The following SI variants were observed in gnomAD, a reference collection of about 807,000 sequenced individuals.
SI encodes the protein sucrase-isomaltase, also known as sucrase-isomaltase, intestinal.
In SI, 235 loss-of-function variants were observed where a neutral mutation model predicts 253.3. The observed-to-expected ratio is 0.93, with a 90% confidence interval of 0.83 to 1.03. SI has a LOEUF of 1.03. Among genes scored for constraint, SI ranks in the 50% least tolerant of loss-of-function variants. SI has a pLI of 0.00. For synonymous variants in SI, 819 were observed against 712.0 expected, an observed-to-expected ratio of 1.15 and a Z score of -2.39; for missense variants, 2,442 against 2,211.1, an observed-to-expected ratio of 1.10 and a Z score of -2.09.
rs537165390 is a variant in SI, at chr3:165,014,728, A to G, written c.3999+395T>C. On this transcript the variant is annotated intron_variant, in intron 33 of 47. Transcript: ENST00000264382. ...ACAGTGAATTATACTTCATGATCTA[A>G]GTTTTAAATATAAGTATAGCTGTCA... Among the ~76,000 whole-genome samples, 4 of 152,264 alleles carry G rather than the reference A, an allele frequency of 2.6e-5. No homozygotes were observed. The East Asian group carries it at 7.7e-4, about 29-fold the overall frequency.
intron 44 of SI, among the ~76,000 whole-genome samples, chr3:164,990,976 A>G (rs1279960413): frequency 2.0e-5 from 3 of 150,854 alleles, no homozygotes; most frequent in Non-Finnish European, 4.4e-5. Context: ...TGTCCAATAT[A>G]AAAAAGATAA....
At chr3:165,031,879 A>T (rs550401728) in intron 24 of SI, among the ~76,000 whole-genome samples, 1 of 151,228 alleles carries the variant, frequency 6.6e-6, no homozygotes, top group African/African-American at 2.4e-5. Flanking sequence ...AAATAATGAG[A>T]GATTGATTTA....
In SI at chr3:164,999,113, A is replaced by C. The variant is rs145464858; in HGVS notation, c.4407-440T>G. Reference sequence around the variant, plus strand: ...TACTGTGCAGACAATGCCTACTATCATACTCTTTGCTTTAAAGGTTTAATT... The same window carrying C: ...TACTGTGCAGACAATGCCTACTATCCTACTCTTTGCTTTAAAGGTTTAATT... On this transcript the variant is annotated intron_variant, in intron 37 of 47. Transcript: ENST00000264382. 1.2e-4 allele frequency among the ~76,000 whole-genome samples: 18 copies of C among 151,940 alleles called. No homozygotes were observed. The East Asian group carries it at 3.3e-3, about 28-fold the overall frequency.
chr3:165,083,151 A>G (rs1291836641), upstream of SI, among the ~76,000 whole-genome samples: 1 of 151,846 alleles, frequency 6.6e-6, no homozygotes, highest in African/African-American at 2.4e-5. Flanking sequence ...ATTAACAGCT[A>G]ATTTTTCATT....
chr3:164,992,422 TA>T, intron 41 of SI, 25 bp from the exon 42 acceptor site: 2 of 1,459,438 alleles, frequency 1.4e-6, no homozygotes, highest in South Asian at 1.2e-5. Context: ...CACAAATAAT[TA>T]AATTAAAACA....
chr3:165,065,450 TAAAG>T lies in SI; in HGVS notation c.636-22_636-19del, dbSNP rs558953371. On this transcript the variant is annotated intron_variant, in intron 6 of 47. Transcript: ENST00000264382. Reference sequence around the variant, plus strand: ...TGTCAAACCTGCACCATAAAAGAAATAAAGAAATAATCTAATATATATATATATA... The same window carrying T: ...TGTCAAACCTGCACCATAAAAGAAATAAATAATCTAATATATATATATATA... 1,046 of 954,514 alleles carry T rather than the reference TAAAG, an allele frequency of 1.1e-3. 12 individuals are homozygous for T. In the African/African-American group the frequency reaches 0.015, roughly 14 times the overall value. 59.1% of individuals were successfully genotyped at this position (954,514 alleles called of 1,614,324 possible).
At chr3:165,038,069 T>C (rs751216764) in intron 20 of SI, 45 bp from the exon 21 acceptor site, 127 of 1,521,458 alleles carry the variant, frequency 8.3e-5, no homozygotes, top group Non-Finnish European at 9.0e-5. Flanking sequence ...TATTGAAGAC[T>C]TTAAACTCTA....
At position 165,063,334 on chromosome 3, in the gene SI, T is replaced by G. The variant is rs1251098969; in HGVS notation, c.907+108A>C. 1.0e-5 allele frequency: 6 copies of G among 585,934 alleles called. No homozygotes were observed. In the South Asian group the frequency reaches 1.3e-4, roughly 13 times the overall value. 36.3% of individuals were successfully genotyped at this position (585,934 alleles called of 1,614,324 possible). A position where few individuals can be genotyped will look rare whatever the true frequency, so the allele number is the denominator to read the frequency against. ...AATAATGTCACATGTTAATATTAAC[T>G]ATAATAGAGTTTACTCTCACATACA... is the stretch of plus-strand genomic sequence containing the variant. On this transcript the variant is annotated intron_variant, in intron 8 of 47. Coordinates refer to ENST00000264382, the MANE Select transcript of SI (RefSeq NM_001041.4).
At chr3:165,059,429 A>G (rs1244220703) in intron 10 of SI, 130 bp from the exon 11 acceptor site, 1 of 907,388 alleles carries the variant, frequency 1.1e-6, no homozygotes, top group African/African-American at 1.7e-5. Context: ...CATCCTTTTC[A>G]TTTCACTAAA....
At chr3:165,074,972 T>C (rs1005302130) in intron 2 of SI, among the ~76,000 whole-genome samples, 1 of 151,932 alleles carries the variant, frequency 6.6e-6, no homozygotes, top group East Asian at 1.9e-4. Context: ...TCATACTGTA[T>C]TTACAACTTG....
Position 165,019,454 on chromosome 3 carries a change from C to T in SI, c.3423+148G>A, listed in dbSNP as rs187220823. 5.1e-4 allele frequency: 386 copies of T among 755,370 alleles called. 1 individual carries two copies. In the African/African-American group the frequency reaches 6.3e-3, roughly 12 times the overall value. The allele number at this position is 755,370 out of a possible 1,614,324, so 46.8% of individuals were successfully genotyped here. On this transcript the variant is annotated intron_variant, in intron 28 of 47. Coordinates refer to ENST00000264382, the MANE Select transcript of SI (RefSeq NM_001041.4). ...TTATGGTGACTTTTTGGGTTTGTTT[C>T]TCAGAAAATTGCTATAGCTGCTCTG...
upstream of SI, among the ~76,000 whole-genome samples, chr3:165,081,824 G>T (rs997520302): frequency 4.6e-5 from 7 of 151,852 alleles, no homozygotes; most frequent in Admixed American, 3.3e-4. Context: ...GGAAGCCAAG[G>T]TTCCTGCCTG....
chr3:164,989,672 T>C (rs1320893249), intron 44 of SI, among the ~76,000 whole-genome samples: 1 of 151,922 alleles, frequency 6.6e-6, no homozygotes, highest in East Asian at 1.9e-4. Flanking sequence ...AGCAAATTAA[T>C]GGAAAGGAAA....
intron 12 of SI, among the ~76,000 whole-genome samples, chr3:165,058,666 T>C (rs1043501811): frequency 3.9e-5 from 6 of 151,916 alleles, no homozygotes; most frequent in African/African-American, 1.4e-4. Flanking sequence ...TAAATTGGAA[T>C]ACCTAGAAGA....
At chr3:165,074,697 A>C in intron 2 of SI, 30 bp from the exon 3 acceptor site, 1 of 1,560,832 alleles carries the variant, frequency 6.4e-7, no homozygotes, top group Non-Finnish European at 8.8e-7. Flanking sequence ...AATAAAATAA[A>C]ACATGACATT....
chr3:165,068,853 G>T, intron 4 of SI, 22 bp from the exon 5 acceptor site: 1 of 1,441,870 alleles, frequency 6.9e-7, no homozygotes, highest in Non-Finnish European at 9.8e-7. Context: ...AAAAAAAGCT[G>T]CCATGAGTGA....
intron 21 of SI, 52 bp downstream of exon 21, chr3:165,037,848 T>G: frequency 8.0e-7 from 1 of 1,248,000 alleles, no homozygotes; most frequent in South Asian, 1.3e-5. Flanking sequence ...AAATATGAAA[T>G]ATTAAGATTT....
intron 44 of SI, among the ~76,000 whole-genome samples, chr3:164,989,892 T>C (rs951173730): frequency 6.6e-6 from 1 of 152,150 alleles, no homozygotes; most frequent in African/African-American, 2.4e-5. Flanking sequence ...ATTACAGAGA[T>C]AGTAAAATAT....
At chr3:165,060,098 T>C in intron 9 of SI, 71 bp from the exon 10 acceptor site, 1 of 1,334,516 alleles carries the variant, frequency 7.5e-7, no homozygotes. Flanking sequence ...CCAAGGTTAA[T>C]GTGCCTCTTA....
Sources: allele counts gnomAD v4.1 joint callset (sites outside exome capture counted in the v4.1 genomes callset), GRCh38; gene constraint gnomAD v4.1.1; transcripts MANE v1.5; gene names NCBI Gene and HGNC (gene_info 2026-07-23, HGNC 2026-07-21).